SPTLC3: variants seen among roughly 807,000 people sequenced by gnomAD.
The protein encoded by SPTLC3 is serine palmitoyltransferase 3.
In SPTLC3, 36 loss-of-function variants were observed where a neutral mutation model predicts 59.3. That is an observed-to-expected ratio of 0.61 (90% confidence interval 0.47 to 0.80). The LOEUF (loss-of-function observed/expected upper bound fraction) is 0.80. Among genes scored for constraint, SPTLC3 ranks in the 30% least tolerant of loss-of-function variants. SPTLC3 has a pLI of 0.00. For synonymous variants in SPTLC3, 257 were observed against 240.8 expected (o/e 1.07, Z -0.62); for missense variants, 625 against 685.1 (o/e 0.91, Z 0.98).
At chr20:13,160,260 A>T in intron 11 of SPTLC3, 128 bp downstream of exon 11, 1 of 1,150,204 alleles carries the variant, frequency 8.7e-7, no homozygotes. Context: ...CACTGACAAA[A>T]GTCACTGCCA....
At chr20:13,136,430 C>T (rs1349045036) in intron 9 of SPTLC3, among the ~76,000 whole-genome samples, 3 of 151,716 alleles carry the variant, frequency 2.0e-5, no homozygotes, top group Admixed American at 6.6e-5. Context: ...AACCCTGTCT[C>T]TACCAAAACA....
At chr20:13,012,230 T>C (rs1985291555) in intron 1 of SPTLC3, among the ~76,000 whole-genome samples, 1 of 152,056 alleles carries the variant, frequency 6.6e-6, no homozygotes, top group African/African-American at 2.4e-5. Context: ...GAAAAAAAAA[T>C]TGTAAAGTTT....
rs1479728768 is a variant in SPTLC3 at position 13,168,859 on chromosome 20, G to A, written c.*3992G>A. On this transcript the variant is annotated 3_prime_UTR_variant, in exon 12 of 12. Coordinates refer to ENST00000399002, the MANE Select transcript of SPTLC3 (RefSeq NM_018327.4). ...AGAATGCCCTACTCAGCTGCATAATGTTTAGAAAATTAAAGAGTCTGTATT... is the reference window on the plus strand; with the variant it reads ...AGAATGCCCTACTCAGCTGCATAATATTTAGAAAATTAAAGAGTCTGTATT... The A allele has an allele frequency of 6.6e-6, 1 of 152,034 alleles. No homozygotes were observed. Among genetic ancestry groups the A allele is most frequent in the Non-Finnish European group, 1.5e-5 (1 of 67,996 alleles). The allele number at this position is 152,034 out of a possible 1,614,324, so 9.4% of individuals were successfully genotyped here. A position where few individuals can be genotyped will look rare whatever the true frequency, so the allele number is the denominator to read the frequency against.
intron 10 of SPTLC3, among the ~76,000 whole-genome samples, chr20:13,155,710 C>T (rs2038752952): frequency 6.6e-6 from 1 of 152,014 alleles, no homozygotes; most frequent in South Asian, 2.1e-4. Context: ...CCTGTAGTCC[C>T]AGCTACTCGG....
At chr20:13,144,767 G>GTA (rs1364708511) in intron 9 of SPTLC3, among the ~76,000 whole-genome samples, 6 of 66,402 alleles carry the variant, frequency 9.0e-5, no homozygotes, top group Non-Finnish European at 1.5e-4. Context: ...GTGTGTGTGT[G>GTA]TATATATATA....
At chr20:13,080,365 G>T in intron 4 of SPTLC3, among the ~76,000 whole-genome samples, 1 of 151,894 alleles carries the variant, frequency 6.6e-6, no homozygotes, top group East Asian at 1.9e-4. Flanking sequence ...AAAATTAGCT[G>T]GATGTGGTGG....
intron 6 of SPTLC3, among the ~76,000 whole-genome samples, chr20:13,098,744 A>T (rs935136541): frequency 2.0e-5 from 3 of 152,184 alleles, no homozygotes; most frequent in African/African-American, 7.2e-5. Context: ...GCCTTCTCTA[A>T]TTTATTTAGC....
At position 13,074,396 on chromosome 20, in the gene SPTLC3, AC is replaced by A; in HGVS notation, c.507del (p.Phe170SerfsTer12). The A allele has an allele frequency of 6.2e-7, 1 of 1,614,092 alleles. No homozygotes were observed. The highest frequency in any genetic ancestry group is 2.2e-5 in the East Asian group (1 of 44,850). ...GATGTCATCAACATGGGCTCCTATA[AC>A]TTCCTTGGTCTTGCAGCCAAGTATG... ...IKDVINMGSY[N>X]FLGLAAKYDE... On this transcript the variant is annotated frameshift_variant, in exon 4 of 12. Transcript: ENST00000399002. LOFTEE classifies it high-confidence loss of function.
rs767493433 is a variant in SPTLC3, at chr20:13,117,602, C to T, written c.1029C>T (p.Ala343=). ...LYIDEAHSIG[A]VGPTGRGVTE... is the part of the protein sequence containing the mutation. The stretch of plus-strand genomic sequence containing the variant: ...TAGATGAAGCTCACAGTATTGGGGC[C>T]GTGGGCCCAACCGGCCGGGGTGTCA... The change falls in exon 8 of 12, where the codon GCC becomes GCT. Residue 343 remains alanine, a synonymous_variant. Coordinates refer to ENST00000399002, the MANE Select transcript of SPTLC3 (RefSeq NM_018327.4). 14 of 1,593,608 alleles carry T rather than the reference C, an allele frequency of 8.8e-6. No homozygotes were observed. Among genetic ancestry groups the T allele is most frequent in the African/African-American group, 1.4e-5 (1 of 74,014 alleles).
intron 8 of SPTLC3, among the ~76,000 whole-genome samples, chr20:13,122,828 A>G (rs2037897181): frequency 6.6e-6 from 1 of 151,680 alleles, no homozygotes; most frequent in Admixed American, 6.6e-5. Context: ...TCCTACTGCC[A>G]CCCCTCCCCA....
intron 8 of SPTLC3, among the ~76,000 whole-genome samples, chr20:13,123,002 C>A (rs1393100276): frequency 6.6e-6 from 1 of 152,296 alleles, no homozygotes; most frequent in East Asian, 1.9e-4. Context: ...CCGCCCCATG[C>A]TCCCAGTTCT....
At position 13,047,660 on chromosome 20, in the gene SPTLC3, C is replaced by T. The variant is rs563058022; in HGVS notation, c.118-1285C>T. On this transcript the variant is annotated intron_variant, in intron 1 of 11. Coordinates refer to ENST00000399002, the MANE Select transcript of SPTLC3 (RefSeq NM_018327.4). ...ATCAATTGAGCAGATGTTGTTTGAG[C>T]TACTCTGTGCAAATCAATTAAACAG... Among the ~76,000 whole-genome samples the T allele has an allele frequency of 6.6e-5, 10 of 152,190 alleles. 1 individual carries two copies. The highest frequency in any genetic ancestry group is 2.4e-4 in the African/African-American group (10 of 41,552).
intron 1 of SPTLC3, among the ~76,000 whole-genome samples, chr20:13,030,527 G>A (rs1986387050): frequency 6.6e-6 from 1 of 152,286 alleles, no homozygotes; most frequent in South Asian, 2.1e-4. Context: ...GATCAAAGCT[G>A]CAATCCTTAA....
Sources: gnomAD v4.1 joint callset for allele counts (sites outside exome capture counted in the v4.1 genomes callset) on GRCh38, gnomAD v4.1.1 for gene constraint, MANE v1.5 for transcripts, NCBI Gene and HGNC (gene_info 2026-07-23, HGNC 2026-07-21) for gene names.